Variants in PCDH15 observed in about 807,000 individuals in gnomAD.
PCDH15 encodes the protein protocadherin-15.
A neutral mutation model predicts 178.5 loss-of-function variants in PCDH15; 129 were observed. The ratio of observed to expected loss-of-function variants is 0.72; its 90% CI spans 0.63 to 0.84. The LOEUF is 0.84. PCDH15 is among the 40% of genes least tolerant of loss of function. The pLI, the probability that PCDH15 is intolerant of heterozygous loss-of-function variation, is 0.00. For missense variants in PCDH15, 2,230 were observed against 2,099.9 expected, an observed-to-expected ratio of 1.06 and a Z score of -1.21; for synonymous variants, 800 against 732.0, an observed-to-expected ratio of 1.09 and a Z score of -1.50.
chr10:54,742,018 A>T (rs936669339), intron 1 of PCDH15, among the ~76,000 whole-genome samples: 7 of 152,052 alleles, frequency 4.6e-5, no homozygotes, highest in Non-Finnish European at 8.8e-5. Context: ...TGGTGAGATA[A>T]ATTTGAGGTG....
At chr10:55,151,267 T>C (rs2132101474) in intron 2 of PCDH15, among the ~76,000 whole-genome samples, 1 of 152,240 alleles carries the variant, frequency 6.6e-6, no homozygotes, top group South Asian at 2.1e-4. Context: ...TTGGTAATTG[T>C]ATAATGTTTT....
chr10:54,666,548 A>T (rs1171726832), intron 1 of PCDH15, among the ~76,000 whole-genome samples: 1 of 152,088 alleles, frequency 6.6e-6, no homozygotes, highest in Non-Finnish European at 1.5e-5. Context: ...AGCTCTACTA[A>T]GATTTCTATA....
At chr10:53,899,604 C>G (rs113975564) in intron 26 of PCDH15, among the ~76,000 whole-genome samples, 2,093 of 152,278 alleles carry the variant, frequency 0.014, 57 homozygotes, top group African/African-American at 0.049. Context: ...AACTTGTATG[C>G]ATGGTAGATG....
chr10:54,189,215 T>C (rs2048745472), intron 11 of PCDH15: 1 of 496,258 alleles, frequency 2.0e-6, no homozygotes, highest in African/African-American at 2.0e-5. Flanking sequence ...GAAGTAAGTA[T>C]ATTTAAATTT....
chr10:54,559,523 T>A (rs1215029754), intron 2 of PCDH15, among the ~76,000 whole-genome samples: 2 of 152,026 alleles, frequency 1.3e-5, no homozygotes, highest in Non-Finnish European at 2.9e-5. Context: ...GTGTATGTGG[T>A]CTGATTATTG....
At chr10:55,091,122 G>A (rs960530687) in intron 2 of PCDH15, among the ~76,000 whole-genome samples, 2 of 151,938 alleles carry the variant, frequency 1.3e-5, no homozygotes, top group Non-Finnish European at 2.9e-5. Context: ...AATCCTTGCA[G>A]ATCAAATTTG....
At chr10:55,128,752 A>C (rs1195639335) in intron 2 of PCDH15, among the ~76,000 whole-genome samples, 1 of 152,078 alleles carries the variant, frequency 6.6e-6, no homozygotes, top group Non-Finnish European at 1.5e-5. Context: ...TTTAGATTCA[A>C]TTATAATACA....
chr10:54,603,739 T>G (rs2092636632), intron 2 of PCDH15, among the ~76,000 whole-genome samples: 1 of 151,934 alleles, frequency 6.6e-6, no homozygotes, highest in South Asian at 2.1e-4. Flanking sequence ...GCCAACATGT[T>G]GGATTAGCAT....
At chr10:54,439,530 T>C (rs1291625186) in intron 3 of PCDH15, among the ~76,000 whole-genome samples, 1 of 152,086 alleles carries the variant, frequency 6.6e-6, no homozygotes, top group African/African-American at 2.4e-5. Context: ...CTAATAATTC[T>C]ATTTATAGGC....
rs899131059 is a variant in PCDH15 at position 54,782,778 on chromosome 10, C to T, written c.-29+18147G>A. 1.3e-5 allele frequency among the ~76,000 whole-genome samples: 2 copies of T among 151,966 alleles called. 1 individual carries two copies. Among genetic ancestry groups the T allele is most frequent in the African/African-American group, 4.8e-5 (2 of 41,390 alleles). On this transcript the variant is annotated intron_variant, in intron 1 of 37. Coordinates refer to ENST00000644397, the MANE Select transcript of PCDH15 (RefSeq NM_001384140.1). The stretch of plus-strand genomic sequence containing the variant: ...TACTGCCACACACAGGAGAGCTGGC[C>T]AGCCCAATATCTTTCTCTCCAGCAA...
intron 2 of PCDH15, among the ~76,000 whole-genome samples, chr10:55,027,296 G>A (rs1283890632): frequency 6.6e-6 from 1 of 151,810 alleles, no homozygotes; most frequent in African/African-American, 2.4e-5. Context: ...GAGAAAAACA[G>A]AAAATTGCTA....
chr10:54,991,518 T>G (rs941323066), intron 2 of PCDH15, among the ~76,000 whole-genome samples: 3 of 152,162 alleles, frequency 2.0e-5, no homozygotes, highest in Non-Finnish European at 4.4e-5. Context: ...AATTACTAAT[T>G]TTATACACAC....
chr10:55,115,233 G>A (rs374725380), intron 2 of PCDH15, among the ~76,000 whole-genome samples: 10 of 152,158 alleles, frequency 6.6e-5, no homozygotes, highest in South Asian at 6.2e-4. Flanking sequence ...AAGTGGCTGC[G>A]TCTAAACCAT....
chr10:54,917,573 G>GAGCATACA (rs1341923206), intron 2 of PCDH15, among the ~76,000 whole-genome samples: 4 of 152,118 alleles, frequency 2.6e-5, no homozygotes, highest in African/African-American at 9.7e-5. Context: ...AGCCCATATA[G>GAGCATACA]AGCATACAAC....
intron 21 of PCDH15, among the ~76,000 whole-genome samples, chr10:53,981,150 G>A (rs149230210): frequency 5.8e-4 from 88 of 152,120 alleles, no homozygotes; most frequent in African/African-American, 1.7e-3. Flanking sequence ...GTAATAAGGC[G>A]AGAATAATTA....
chr10:53,858,479 T>C (rs1232306393), intron 27 of PCDH15, among the ~76,000 whole-genome samples: 1 of 152,122 alleles, frequency 6.6e-6, no homozygotes, highest in Non-Finnish European at 1.5e-5. Flanking sequence ...CTCTAAGGAA[T>C]ATTGCAGTGT....
intron 2 of PCDH15, among the ~76,000 whole-genome samples, chr10:55,488,922 A>G (rs570017533): frequency 6.6e-6 from 1 of 151,640 alleles, no homozygotes; most frequent in East Asian, 2.0e-4. Context: ...AAATGCAATA[A>G]AAAGTGTTGT....
chr10:54,981,802 G>A (rs1479319229), intron 2 of PCDH15, among the ~76,000 whole-genome samples: 1 of 151,780 alleles, frequency 6.6e-6, no homozygotes, highest in African/African-American at 2.4e-5. Context: ...TTGAGACAAG[G>A]TCTCATTCTG....
At chr10:54,321,890 C>T (rs919245805) in intron 7 of PCDH15, among the ~76,000 whole-genome samples, 1 of 151,898 alleles carries the variant, frequency 6.6e-6, no homozygotes, top group African/African-American at 2.4e-5. Context: ...AGTTTCCACA[C>T]GTGGGAATTC....
Sources: gnomAD v4.1 joint callset for allele counts (sites outside exome capture counted in the v4.1 genomes callset) on GRCh38, gnomAD v4.1.1 for gene constraint, MANE v1.5 for transcripts, NCBI Gene and HGNC (gene_info 2026-07-23, HGNC 2026-07-21) for gene names.